MED17: variants seen among roughly 807,000 people sequenced by gnomAD.
The protein encoded by MED17 is mediator of RNA polymerase II transcription subunit 17.
MED17 carries 49 observed loss-of-function variants against 80.8 expected under a neutral mutation model. The observed-to-expected ratio is 0.61, with a 90% CI of 0.48 to 0.77. MED17 has a LOEUF of 0.77. Among genes scored for constraint, MED17 ranks in the 30% least tolerant of loss-of-function variants. The pLI is 0.00. For synonymous variants in MED17, 281 were observed against 280.4 expected, an observed-to-expected ratio of 1.00 and a Z score of -0.02; for missense variants, 718 against 787.0, an observed-to-expected ratio of 0.91 and a Z score of 1.05.
At chr11:93,787,369 C>T (rs540516787) in intron 1 of MED17, among the ~76,000 whole-genome samples, 100 of 151,742 alleles carry the variant, frequency 6.6e-4, no homozygotes, top group African/African-American at 2.2e-3. Flanking sequence ...GCTGAGATCG[C>T]GCTACTGCAC....
chr11:93,807,551 G>A lies in MED17; in HGVS notation c.1500G>A (p.Glu500=), dbSNP rs76149470. The change falls in exon 10 of 12, where the codon GAG becomes GAA. Residue 500 remains glutamate (E), a synonymous_variant. Transcript: ENST00000251871. The part of the protein sequence containing the change: ...SIQLQLNIGV[E]QIRVVHRDGR... ...AACTGCAATTGAATATTGGAGTTGAGCAGATTCGAGTTGTACATAGAGATG... is the reference window on the plus strand; with the variant it reads ...AACTGCAATTGAATATTGGAGTTGAACAGATTCGAGTTGTACATAGAGATG... 9.9e-4 allele frequency: 1,597 copies of A among 1,612,658 alleles called. 24 individuals are homozygous for A. The African/African-American group carries it at 0.019, about 19-fold the overall frequency.
chr11:93,794,518 T>C (rs658698), intron 5 of MED17: 142,776 of 253,098 alleles, frequency 0.56, 44,041 homozygotes, highest in East Asian at 0.76. Flanking sequence ...AGATTGGACT[T>C]ATTTACTGGT....
chr11:93,796,580 T>C (rs771768718), intron 7 of MED17, 40 bp downstream of exon 7: 3 of 1,610,768 alleles, frequency 1.9e-6, no homozygotes, highest in Non-Finnish European at 1.7e-6. Context: ...GTGGTGAGTA[T>C]GTCCAGGGCA....
At chr11:93,803,176 A>G (rs934131429) in intron 9 of MED17, among the ~76,000 whole-genome samples, 1 of 152,194 alleles carries the variant, frequency 6.6e-6, no homozygotes, top group African/African-American at 2.4e-5. Flanking sequence ...AACTAGCCAC[A>G]GTAAAGCAAA....
At chr11:93,793,692 C>G in intron 3 of MED17, 36 bp from the exon 4 acceptor site, 1 of 1,405,562 alleles carries the variant, frequency 7.1e-7, no homozygotes, top group Non-Finnish European at 1.0e-6. Context: ...AATATGTTAA[C>G]TGTTTTATAT....
chr11:93,793,537 A>G, intron 3 of MED17, 191 bp from the exon 4 acceptor site: 1 of 546,982 alleles, frequency 1.8e-6, no homozygotes, highest in Non-Finnish European at 3.2e-6. Context: ...AAGGTAAATA[A>G]CCACCCCCCA....
At chr11:93,809,640 T>G in intron 10 of MED17, 77 bp from the exon 11 acceptor site, 11 of 1,517,790 alleles carry the variant, frequency 7.2e-6, no homozygotes, top group Non-Finnish European at 1.0e-5. Context: ...CAACAAAAGT[T>G]TACTTCATGG....
intron 1 of MED17, among the ~76,000 whole-genome samples, chr11:93,786,708 T>C (rs1308728306): frequency 2.0e-5 from 3 of 152,126 alleles, no homozygotes; most frequent in Non-Finnish European, 4.4e-5. Context: ...TGTCAGGTGA[T>C]CCACCCTGCC....
chr11:93,806,461 A>G (rs1328062405), intron 9 of MED17: 1 of 152,188 alleles, frequency 6.6e-6, no homozygotes, highest in Non-Finnish European at 1.5e-5. Context: ...ACATGCTGAA[A>G]TTTTAGAAGT....
chr11:93,795,909 A>C (rs182085404), intron 6 of MED17: 1 of 165,378 alleles, frequency 6.0e-6, no homozygotes, highest in African/African-American at 2.4e-5. Flanking sequence ...ACAGAATTTG[A>C]ATTGTTAAAA....
At position 93,793,509 on chromosome 11, in the gene MED17, G is replaced by T. The variant is rs182693284; in HGVS notation, c.638-219G>T. On this transcript the variant is annotated intron_variant, in intron 3 of 11. Coordinates refer to ENST00000251871, the MANE Select transcript of MED17 (RefSeq NM_004268.5). ...TATTATGTTGATGTCATTAGACTAA[G>T]AAGTGTTTTTTTTTTTTAAGGTAAA... 98 of 489,288 alleles carry T rather than the reference G, an allele frequency of 2.0e-4. 2 individuals carry two copies. Among genetic ancestry groups the T allele is most frequent in the Admixed American group, 1.7e-3 (46 of 26,430 alleles). The allele number at this position is 489,288 out of a possible 1,614,324, so 30.3% of individuals were successfully genotyped here.
chr11:93,784,394 C>G lies in MED17; in HGVS notation c.-120C>G. 1 of 1,330,646 alleles carries G rather than the reference C, an allele frequency of 7.5e-7. No homozygotes were observed. The highest frequency in any genetic ancestry group is 2.4e-5 in the East Asian group (1 of 41,182). 82.4% of individuals were successfully genotyped at this position (1,330,646 alleles called of 1,614,324 possible). On this transcript the variant is annotated 5_prime_UTR_variant, in exon 1 of 12. Coordinates refer to ENST00000251871, the MANE Select transcript of MED17 (RefSeq NM_004268.5). ...GCGTTGCGTTCGGTTTCCCGAGGGT[C>G]TTCTGAGGCACCGCGGCTGCGGGCT...
intron 2 of MED17, chr11:93,790,342 T>C (rs1239208510): frequency 3.4e-6 from 2 of 581,766 alleles, no homozygotes; most frequent in Admixed American, 4.7e-5. Context: ...GTTGATGCAA[T>C]GGTAAGTTCT....
In MED17 at chr11:93,784,706, G is replaced by T. The variant is rs1182439882; in HGVS notation, c.193G>T (p.Gly65Cys). The T allele has an allele frequency of 1.3e-6, 2 of 1,551,522 alleles. No individual in the cohort carries two copies. The highest frequency in any genetic ancestry group is 2.4e-5 in the South Asian group (2 of 84,454). The change falls in exon 1 of 12, where the codon GGC becomes TGC. Residue 65 changes from glycine to cysteine, a missense_variant. Transcript: ENST00000251871. ...SEEEEAAGTE[G>C]DAQEWPGAGS... ...GGAGGAGGAGGCGGCGGGGACCGAG[G>T]GCGACGCGCAGGAGTGGCCGGGCGC...
At chr11:93,804,804 C>G (rs186182432) in intron 9 of MED17, among the ~76,000 whole-genome samples, 1 of 152,278 alleles carries the variant, frequency 6.6e-6, no homozygotes, top group East Asian at 1.9e-4. Flanking sequence ...AAAAGAAACT[C>G]TACATATTAG....
In MED17 at chr11:93,812,264, G is replaced by A. The variant is rs1944092268; in HGVS notation, c.*200G>A. On this transcript the variant is annotated 3_prime_UTR_variant, in exon 12 of 12. Coordinates refer to ENST00000251871, the MANE Select transcript of MED17 (RefSeq NM_004268.5). ...TTTGAAATGCAGAAGTTTATGTACA[G>A]TTGTATATACAGTATGACAAGATGT... 8.0e-6 allele frequency: 5 copies of A among 624,982 alleles called. No homozygotes were observed. Among genetic ancestry groups the A allele is most frequent in the Non-Finnish European group, 1.4e-5 (5 of 355,620 alleles). 38.7% of individuals were successfully genotyped at this position (624,982 alleles called of 1,614,324 possible).
chr11:93,811,941 A>G lies in MED17; in HGVS notation c.1833A>G (p.Gln611=), dbSNP rs552403931. ...CKDLPKSDVL[Q]DNKWSHLRGP... ...ACCTTCCAAAAAGTGATGTTTTACAAGATAACAAATGGAGTCATCTTCGTG... is the reference window on the plus strand; with the variant it reads ...ACCTTCCAAAAAGTGATGTTTTACAGGATAACAAATGGAGTCATCTTCGTG... The change falls in exon 12 of 12, where the codon CAA becomes CAG. Residue 611 remains glutamine, a synonymous_variant. Coordinates refer to ENST00000251871, the MANE Select transcript of MED17 (RefSeq NM_004268.5). 1.2e-6 allele frequency: 2 copies of G among 1,614,132 alleles called. No homozygotes were observed. The highest frequency in any genetic ancestry group is 2.7e-5 in the African/African-American group (2 of 75,058).
In MED17 at chr11:93,784,574, G is replaced by C. The variant is rs1301985206; in HGVS notation, c.61G>C (p.Glu21Gln). Residue 21 changes from glutamate to glutamine, a missense_variant, in exon 1 of 12, where the codon GAG becomes CAG. By Grantham distance (29) the Glu-to-Gln change is conservative. Coordinates refer to ENST00000251871, the MANE Select transcript of MED17 (RefSeq NM_004268.5). ...ATCGGCCTGCGAGAAGCAGGTCCATGAGGTGGGCCTGGATGGCACCGAGAC... is the reference window on the plus strand; with the variant it reads ...ATCGGCCTGCGAGAAGCAGGTCCATCAGGTGGGCCTGGATGGCACCGAGAC... ...IESACEKQVH[E>Q]VGLDGTETYL... The C allele has an allele frequency of 6.2e-7, 1 of 1,612,100 alleles. No homozygotes were observed. The highest frequency in any genetic ancestry group is 1.3e-5 in the African/African-American group (1 of 74,932).
chr11:93,809,539 G>A (rs1944064290), intron 10 of MED17, 178 bp from the exon 11 acceptor site: 4 of 667,000 alleles, frequency 6.0e-6, no homozygotes. Flanking sequence ...TTTGGCAGTG[G>A]AAGGTGGAGT....
Sources: gnomAD v4.1 joint callset for allele counts (sites outside exome capture counted in the v4.1 genomes callset) on GRCh38, gnomAD v4.1.1 for gene constraint, MANE v1.5 for transcripts, NCBI Gene and HGNC (gene_info 2026-07-23, HGNC 2026-07-21) for gene names.